Variants in FHIT observed in about 807,000 individuals in gnomAD.
FHIT encodes the protein fragile histidine triad diadenosine triphosphatase, also known as bis(5'-adenosyl)-triphosphatase.
Under a neutral mutation model 17.9 loss-of-function variants are expected in FHIT, and 19 were observed. The ratio of observed to expected loss-of-function variants is 1.06; its 90% CI spans 0.74 to 1.56. The LOEUF (loss-of-function observed/expected upper bound fraction) is 1.56, where lower values mean the gene tolerates loss of function less well. FHIT is among the 40% of genes most tolerant of loss of function. The pLI, the probability that FHIT is intolerant of heterozygous loss-of-function variation, is 0.00. For synonymous variants in FHIT, 81 were observed against 69.7 expected (o/e 1.16, Z -0.81); for missense variants, 248 against 189.2 (o/e 1.31, Z -1.82).
At chr3:60,619,353 G>C (rs2039047710) in intron 4 of FHIT, among the ~76,000 whole-genome samples, 1 of 151,930 alleles carries the variant, frequency 6.6e-6, no homozygotes, top group Non-Finnish European at 1.5e-5. Flanking sequence ...TATTTTTTGT[G>C]GATATTAACA....
At chr3:59,986,493 T>G (rs1396132857) in intron 7 of FHIT, among the ~76,000 whole-genome samples, 2 of 121,404 alleles carry the variant, frequency 1.6e-5, no homozygotes, top group African/African-American at 3.5e-5. Context: ...GAGAAAGTAG[T>G]CCAAAATATA....
intron 4 of FHIT, among the ~76,000 whole-genome samples, chr3:60,650,088 AT>A (rs578089515): frequency 6.6e-5 from 10 of 152,320 alleles, no homozygotes; most frequent in African/African-American, 2.4e-4. Context: ...CTGAGAGCAA[AT>A]AATCCTTTCT....
chr3:60,717,539 T>C (rs1372509937), intron 4 of FHIT, among the ~76,000 whole-genome samples: 1 of 152,180 alleles, frequency 6.6e-6, no homozygotes, highest in East Asian at 1.9e-4. Flanking sequence ...GAGGCAGGGC[T>C]ACCCGAGCAG....
chr3:60,926,035 G>C (rs1344984086), intron 3 of FHIT, among the ~76,000 whole-genome samples: 13 of 152,080 alleles, frequency 8.5e-5, no homozygotes, highest in Non-Finnish European at 1.9e-4. Context: ...ACCCAATACA[G>C]GAGCACCCAG....
chr3:60,389,273 T>C (rs1701132543), intron 5 of FHIT, among the ~76,000 whole-genome samples: 1 of 152,116 alleles, frequency 6.6e-6, no homozygotes, highest in Non-Finnish European at 1.5e-5. Context: ...TCCAGGTAAT[T>C]CTGATGCATG....
chr3:60,360,735 T>A (rs144518860), intron 5 of FHIT, among the ~76,000 whole-genome samples: 1 of 152,166 alleles, frequency 6.6e-6, no homozygotes, highest in African/African-American at 2.4e-5. Flanking sequence ...ATTCACAACA[T>A]CTTCTCACAA....
intron 5 of FHIT, among the ~76,000 whole-genome samples, chr3:60,036,033 A>T (rs759449221): frequency 5.3e-5 from 8 of 152,190 alleles, no homozygotes; most frequent in Non-Finnish European, 1.2e-4. Flanking sequence ...ACTGTTAGGA[A>T]CCATCCCAAG....
intron 7 of FHIT, among the ~76,000 whole-genome samples, chr3:59,944,690 C>T (rs1447802756): frequency 2.0e-5 from 3 of 152,074 alleles, no homozygotes; most frequent in African/African-American, 7.2e-5. Context: ...CTTCTACACT[C>T]AAATATGTCC....
chr3:60,498,092 C>T (rs1371767877), intron 5 of FHIT, among the ~76,000 whole-genome samples: 1 of 152,116 alleles, frequency 6.6e-6, no homozygotes, highest in Non-Finnish European at 1.5e-5. Flanking sequence ...TTCCAATAAA[C>T]CTTTAGTTAC....
chr3:61,244,129 C>G (rs1219663459), intron 1 of FHIT: 1 of 152,076 alleles, frequency 6.6e-6, no homozygotes, highest in African/African-American at 2.4e-5. Flanking sequence ...GGTTTTCAAT[C>G]TTAGATGCAC....
In FHIT at chr3:59,968,847, G is replaced by A. The variant is rs1708050118; in HGVS notation, c.279+42524C>T. Among the ~76,000 whole-genome samples, 5 of 152,280 alleles carry A rather than the reference G, an allele frequency of 3.3e-5. 1 individual carries two copies. The South Asian group carries it at 8.3e-4, about 25-fold the overall frequency. On this transcript the variant is annotated intron_variant, in intron 7 of 9. Coordinates refer to ENST00000492590, the MANE Select transcript of FHIT (RefSeq NM_002012.4). ...GCTAGAGTTAAACAAAGCTAAAGTT[G>A]TTTATTTGCTGCCAGATTTCTGGGA... is the stretch of plus-strand genomic sequence containing the variant.
At chr3:60,682,661 C>A (rs1383102071) in intron 4 of FHIT, among the ~76,000 whole-genome samples, 6 of 152,166 alleles carry the variant, frequency 3.9e-5, no homozygotes, top group Non-Finnish European at 8.8e-5. Context: ...CCCAAGAGTT[C>A]TGATGGAGAT....
intron 8 of FHIT, among the ~76,000 whole-genome samples, chr3:59,899,767 AC>A (rs1417615963): frequency 1.3e-5 from 2 of 152,098 alleles, no homozygotes; most frequent in East Asian, 3.9e-4. Context: ...AACTGCTTGA[AC>A]CCGGGAGGCG....
At chr3:60,761,576 C>CATAG (rs1257063477) in intron 4 of FHIT, among the ~76,000 whole-genome samples, 1 of 149,910 alleles carries the variant, frequency 6.7e-6, no homozygotes, top group Non-Finnish European at 1.5e-5. Context: ...CAATTATCAA[C>CATAG]ATAGATGTTC....
chr3:59,947,682 C>T (rs1302990886), intron 7 of FHIT, among the ~76,000 whole-genome samples: 1 of 152,088 alleles, frequency 6.6e-6, no homozygotes, highest in African/African-American at 2.4e-5. Context: ...GCTTTGTTCT[C>T]TGCCCCTCAA....
chr3:60,108,434 A>ATT, intron 5 of FHIT, among the ~76,000 whole-genome samples: 1 of 151,904 alleles, frequency 6.6e-6, no homozygotes, highest in Middle Eastern at 3.4e-3. Flanking sequence ...CTGTGTATTC[A>ATT]TTTTGTTTTT....
At chr3:60,688,023 T>A (rs2040898661) in intron 4 of FHIT, among the ~76,000 whole-genome samples, 2 of 152,218 alleles carry the variant, frequency 1.3e-5, no homozygotes, top group Non-Finnish European at 2.9e-5. Context: ...CTATTGTTCT[T>A]TCTTTTTTAA....
At chr3:60,059,884 T>A (rs1228241496) in intron 5 of FHIT, among the ~76,000 whole-genome samples, 4 of 152,220 alleles carry the variant, frequency 2.6e-5, no homozygotes, top group Non-Finnish European at 5.9e-5. Flanking sequence ...AAATCGACAA[T>A]GGTTTGACTT....
At chr3:60,551,814 TTC>T (rs2036569008) in intron 4 of FHIT, among the ~76,000 whole-genome samples, 1 of 151,502 alleles carries the variant, frequency 6.6e-6, no homozygotes, top group African/African-American at 2.4e-5. Flanking sequence ...CAGATTATTT[TTC>T]TGTTAAGACT....
Sources: gnomAD v4.1 joint callset for allele counts (sites outside exome capture counted in the v4.1 genomes callset) on GRCh38, gnomAD v4.1.1 for gene constraint, MANE v1.5 for transcripts, NCBI Gene and HGNC (gene_info 2026-07-23, HGNC 2026-07-21) for gene names.